Variants in CLIP1 observed in about 807,000 individuals in gnomAD.
CLIP1 encodes CAP-Gly domain containing linker protein 1.
CLIP1 carries 66 observed loss-of-function variants against 161.6 expected under a neutral mutation model. The observed-to-expected ratio is 0.41, with a 90% CI of 0.33 to 0.50. The LOEUF is 0.50. Among genes scored for constraint, CLIP1 ranks in the 20% least tolerant of loss-of-function variants. The pLI, the probability that CLIP1 is intolerant of heterozygous loss-of-function variation, is 0.27. For synonymous variants in CLIP1, 598 were observed against 626.2 expected, an observed-to-expected ratio of 0.96 and a Z score of 0.67; for missense variants, 1,376 against 1,702.0, an observed-to-expected ratio of 0.81 and a Z score of 3.37.
At chr12:122,299,915 C>CAA (rs112291457) in intron 20 of CLIP1, among the ~76,000 whole-genome samples, 62 of 137,288 alleles carry the variant, frequency 4.5e-4, no homozygotes, top group African/African-American at 1.6e-3. Context: ...GACTCTGTCT[C>CAA]AAAAAAAAAA....
intron 21 of CLIP1, among the ~76,000 whole-genome samples, chr12:122,287,865 A>C (rs1416750610): frequency 1.3e-5 from 2 of 152,206 alleles, no homozygotes; most frequent in South Asian, 4.1e-4. Context: ...TATCCAGATC[A>C]ATAACTGTAT....
chr12:122,286,520 TAAAAA>T (rs57260606), intron 21 of CLIP1, among the ~76,000 whole-genome samples: 4 of 28,246 alleles, frequency 1.4e-4, no homozygotes, highest in Non-Finnish European at 1.4e-4. Context: ...GACTCTGTCT[TAAAAA>T]AAAAAAAAAA....
intron 20 of CLIP1, among the ~76,000 whole-genome samples, chr12:122,302,518 C>T (rs1043603619): frequency 1.3e-5 from 2 of 152,160 alleles, no homozygotes; most frequent in Non-Finnish European, 2.9e-5. Context: ...ATACAACCCA[C>T]TCTCTTTTCT....
At chr12:122,337,620 T>C (rs1046323024) in intron 11 of CLIP1, among the ~76,000 whole-genome samples, 2 of 152,130 alleles carry the variant, frequency 1.3e-5, no homozygotes, top group Non-Finnish European at 2.9e-5. Flanking sequence ...TAGACTATTT[T>C]TCTATACTTC....
chr12:122,370,660 G>A (rs760884590), intron 3 of CLIP1, among the ~76,000 whole-genome samples: 1 of 152,052 alleles, frequency 6.6e-6, no homozygotes, highest in Admixed American at 6.6e-5. Flanking sequence ...AGAACTAACA[G>A]GTAAACAAAA....
At chr12:122,373,682 T>A (rs1954571931) in intron 3 of CLIP1, among the ~76,000 whole-genome samples, 2 of 152,142 alleles carry the variant, frequency 1.3e-5, no homozygotes, top group Admixed American at 1.3e-4. Context: ...ATGGGTGCAA[T>A]CTAAATGTGT....
At chr12:122,307,833 A>C (rs1950928182) in intron 20 of CLIP1, among the ~76,000 whole-genome samples, 1 of 152,220 alleles carries the variant, frequency 6.6e-6, no homozygotes, top group Admixed American at 6.5e-5. Context: ...CTTGGTAATC[A>C]ATGTTTTTCA....
intron 5 of CLIP1, among the ~76,000 whole-genome samples, chr12:122,359,943 TGG>T (rs1329015304): frequency 2.0e-5 from 3 of 152,224 alleles, no homozygotes; most frequent in Non-Finnish European, 4.4e-5. Flanking sequence ...AATAAACTTA[TGG>T]GCAGGGCTTT....
intron 20 of CLIP1, among the ~76,000 whole-genome samples, chr12:122,296,861 C>CAA (rs56071033): frequency 0.068 from 3,884 of 57,126 alleles, 126 homozygotes; most frequent in Middle Eastern, 0.093. Flanking sequence ...GAGACTACCT[C>CAA]AAAAAAAAAA....
At chr12:122,313,492 C>T (rs574432206) in intron 19 of CLIP1, among the ~76,000 whole-genome samples, 30 of 151,936 alleles carry the variant, frequency 2.0e-4, no homozygotes, top group African/African-American at 6.3e-4. Flanking sequence ...TTTGGGAGGC[C>T]GAGGCAGGCG....
chr12:122,282,230 T>A (rs925112297), intron 21 of CLIP1, among the ~76,000 whole-genome samples: 1 of 152,206 alleles, frequency 6.6e-6, no homozygotes, highest in African/African-American at 2.4e-5. Flanking sequence ...TCTTAGGCCA[T>A]CTCTAAGCTC....
chr12:122,364,405 CTTTT>C (rs35729680), intron 3 of CLIP1, among the ~76,000 whole-genome samples: 5 of 137,954 alleles, frequency 3.6e-5, no homozygotes, highest in South Asian at 2.4e-4. Context: ...TTAGAAAATA[CTTTT>C]TTTTTTTTTT....
chr12:122,397,531 C>T (rs546021112), intron 1 of CLIP1, among the ~76,000 whole-genome samples: 16 of 110,364 alleles, frequency 1.4e-4, no homozygotes, highest in East Asian at 6.0e-4. Flanking sequence ...CCAGTCTGGG[C>T]GACAGAGCCA....
intron 1 of CLIP1, among the ~76,000 whole-genome samples, chr12:122,389,758 C>CAAAAAACAAA (rs1955505565): frequency 1.4e-5 from 1 of 69,316 alleles, no homozygotes; most frequent in Non-Finnish European, 2.6e-5. Flanking sequence ...GATCCTGTCT[C>CAAAAAACAAA]AAAAAAAAAA....
chr12:122,363,038 A>G (rs779134220), intron 4 of CLIP1, among the ~76,000 whole-genome samples: 1 of 152,308 alleles, frequency 6.6e-6, no homozygotes, highest in African/African-American at 2.4e-5. Flanking sequence ...GTAAAATGTT[A>G]ACTACCACAT....
intron 1 of CLIP1, among the ~76,000 whole-genome samples, chr12:122,401,903 A>G (rs1192008643): frequency 3.3e-5 from 5 of 152,086 alleles, no homozygotes; most frequent in African/African-American, 4.8e-5. Flanking sequence ...AGGCTGAGGC[A>G]GGAGAATCAC....
At position 122,352,726 on chromosome 12, in the gene CLIP1, C is replaced by T; in HGVS notation, c.1368G>A (p.Glu456=). 6.2e-7 allele frequency: 1 copy of T among 1,613,594 alleles called. No individual in the cohort carries two copies. The highest frequency in any genetic ancestry group is 8.5e-7 in the Non-Finnish European group (1 of 1,179,552). ...EEESITKGDL[E]QKSQISEDPE... ...TGTAAGAGAGCTGGAGGGGTTTTAC[C>T]TCAAGATCACCTTTGGTAATTGATT... is the stretch of plus-strand genomic sequence containing the variant. The change falls in exon 8 of 26, where the codon GAG becomes GAA. Residue 456 remains glutamate, a splice_region_variant and synonymous_variant. Transcript: ENST00000620786.
At chr12:122,287,075 G>C (rs1955888224) in intron 21 of CLIP1, among the ~76,000 whole-genome samples, 1 of 152,142 alleles carries the variant, frequency 6.6e-6, no homozygotes, top group Admixed American at 6.5e-5. Context: ...GGGAGGCTGA[G>C]AGGTCGGAAG....
intron 1 of CLIP1, among the ~76,000 whole-genome samples, chr12:122,388,620 G>A (rs1955438701): frequency 6.6e-6 from 1 of 152,146 alleles, no homozygotes; most frequent in South Asian, 2.1e-4. Flanking sequence ...CCAGATTAGA[G>A]TGCAGTGACA....
Sources: allele counts gnomAD v4.1 joint callset (sites outside exome capture counted in the v4.1 genomes callset), GRCh38; gene constraint gnomAD v4.1.1; transcripts MANE v1.5; gene names NCBI Gene and HGNC (gene_info 2026-07-23, HGNC 2026-07-21).